The following CCDC81 variants were observed in gnomAD, a reference collection of about 807,000 sequenced individuals.
The protein encoded by CCDC81 is coiled-coil domain-containing protein 81.
In CCDC81, 79 loss-of-function variants were observed where a neutral mutation model predicts 83.7. That is an observed-to-expected ratio of 0.94 (90% CI 0.79 to 1.14). The LOEUF is 1.14. CCDC81 is among the 50% of genes most tolerant of loss of function. The probability of loss-of-function intolerance (pLI) is 0.00; values close to 1 mark genes in which losing one functional copy is unlikely to be tolerated. For synonymous variants in CCDC81, 252 were observed against 278.1 expected (o/e 0.91, Z 0.93); for missense variants, 791 against 778.1 (o/e 1.02, Z -0.20).
chr11:86,411,800 G>T (rs1038148683), intron 10 of CCDC81, among the ~76,000 whole-genome samples: 2 of 152,150 alleles, frequency 1.3e-5, no homozygotes, highest in African/African-American at 4.8e-5. Flanking sequence ...AATAAACATA[G>T]AAATTGACCC....
In CCDC81 at chr11:86,400,504, C is replaced by T. The variant is rs1268772582; in HGVS notation, c.758-174C>T. On this transcript the variant is annotated intron_variant, in intron 6 of 14. Coordinates refer to ENST00000445632, the MANE Select transcript of CCDC81 (RefSeq NM_001156474.2). ...TGTCCTCTAAATGCTTAGCACAGTGCTTTCTTTGCGAATATACAGCAAAAA... is the reference window on the plus strand; with the variant it reads ...TGTCCTCTAAATGCTTAGCACAGTGTTTTCTTTGCGAATATACAGCAAAAA... 2.0e-5 allele frequency among the ~76,000 whole-genome samples: 3 copies of T among 152,202 alleles called. No homozygotes were observed. In the East Asian group the frequency reaches 5.8e-4, roughly 29 times the overall value.
Position 86,375,448 on chromosome 11 carries a change from G to A in CCDC81, c.79+206G>A, listed in dbSNP as rs145332172. Among the ~76,000 whole-genome samples, 617 of 152,240 alleles carry A rather than the reference G, an allele frequency of 4.1e-3. 4 individuals carry two copies. Among genetic ancestry groups the A allele is most frequent in the African/African-American group, 0.014 (576 of 41,536 alleles). Reference sequence around the variant, plus strand: ...TGGTTTTGATTAAACCAGGGGATGCGTAGACAGCACAAAGTAAGTGCTCAA... The same window carrying A: ...TGGTTTTGATTAAACCAGGGGATGCATAGACAGCACAAAGTAAGTGCTCAA... On this transcript the variant is annotated intron_variant, in intron 1 of 14. Transcript: ENST00000445632.
intron 4 of CCDC81, among the ~76,000 whole-genome samples, chr11:86,394,211 T>C (rs1697718617): frequency 6.6e-6 from 1 of 152,218 alleles, no homozygotes; most frequent in Admixed American, 6.5e-5. Context: ...GTAGCTTCAA[T>C]ACGTGTTTAA....
intron 10 of CCDC81, among the ~76,000 whole-genome samples, chr11:86,412,071 C>T (rs1195111620): frequency 1.3e-5 from 2 of 152,312 alleles, no homozygotes; most frequent in Non-Finnish European, 2.9e-5. Flanking sequence ...TGAGACTGAT[C>T]TCTCATCTCC....
intron 1 of CCDC81, among the ~76,000 whole-genome samples, chr11:86,381,059 G>C (rs1186477988): frequency 6.6e-6 from 1 of 152,174 alleles, no homozygotes; most frequent in African/African-American, 2.4e-5. Flanking sequence ...TAGTAATGTA[G>C]GGGTAGAGTG....
At chr11:86,387,719 G>C (rs778122566) in intron 3 of CCDC81, 47 bp downstream of exon 3, 1 of 1,381,184 alleles carries the variant, frequency 7.2e-7, no homozygotes, top group South Asian at 1.3e-5. Flanking sequence ...TTACTGTCCT[G>C]GGGATAAAAA....
intron 1 of CCDC81, 92 bp downstream of exon 1, chr11:86,375,334 G>T: frequency 8.7e-7 from 1 of 1,152,772 alleles, no homozygotes; most frequent in Non-Finnish European, 1.3e-6. Context: ...CAATTCCCTG[G>T]CTCAGGCCTG....
rs566389058 is a variant in CCDC81 at position 86,406,298 on chromosome 11, C to T, written c.882-1316C>T. On this transcript the variant is annotated intron_variant, in intron 7 of 14. Transcript: ENST00000445632. ...GTCCTGATGCAACGTCCGAATCAAT[C>T]TGGTTGTCATTCTTTCTTGTAGCTT... 7.9e-5 allele frequency among the ~76,000 whole-genome samples: 12 copies of T among 152,276 alleles called. No individual in the cohort carries two copies. The South Asian group carries it at 1.9e-3, about 24-fold the overall frequency.
intron 2 of CCDC81, 27 bp from the exon 3 acceptor site, chr11:86,387,489 C>T (rs773439035): frequency 1.2e-6 from 2 of 1,608,290 alleles, no homozygotes. Context: ...TCAATGAATT[C>T]TGTTTTGTTT....
chr11:86,409,312 C>G lies in CCDC81; in HGVS notation c.1165C>G (p.Leu389Val). 6.5e-7 allele frequency: 1 copy of G among 1,542,886 alleles called. No individual in the cohort carries two copies. Among genetic ancestry groups the G allele is most frequent in the Non-Finnish European group, 8.7e-7 (1 of 1,148,088 alleles). ...GAATCAGAAAAATGCTGCCTATAAT[C>G]TTGGAGTTGCTGAAGCTATAAGAAA... ...EQNQKNAAYN[L>V]GVAEAIRNHK... The change falls in exon 10 of 15, where the codon CTT becomes GTT. Residue 389 changes from leucine to valine, a missense_variant. Coordinates refer to ENST00000445632, the MANE Select transcript of CCDC81 (RefSeq NM_001156474.2).
In CCDC81 at chr11:86,387,553, T is replaced by A; in HGVS notation, c.179T>A (p.Ile60Lys). 1.2e-6 allele frequency: 2 copies of A among 1,614,082 alleles called. No homozygotes were observed. Among genetic ancestry groups the A allele is most frequent in the Admixed American group, 3.3e-5 (2 of 60,022 alleles). The change falls in exon 3 of 15, where the codon ATA (isoleucine) becomes AAA (lysine). Residue 60 changes from isoleucine to lysine, a missense_variant. Coordinates refer to ENST00000445632, the MANE Select transcript of CCDC81 (RefSeq NM_001156474.2). ...QIPAFGTFTF[I>K]RQKLEVGNNK... ...CCAGCATTTGGAACTTTCACTTTCA[T>A]AAGACAAAAGCTTGAGGTGGGAAAC...
At chr11:86,404,112 A>G (rs1948532099) in intron 7 of CCDC81, among the ~76,000 whole-genome samples, 1 of 152,206 alleles carries the variant, frequency 6.6e-6, no homozygotes, top group Non-Finnish European at 1.5e-5. Context: ...ATAAGAAACC[A>G]GATTGAGACA....
Position 86,409,335 on chromosome 11 carries a change from A to C in CCDC81, c.1188A>C (p.Arg396Ser). Residue 396 changes from arginine to serine, a missense_variant, in exon 10 of 15, where the codon AGA (arginine) becomes AGC (serine). Transcript: ENST00000445632. ...ATCTTGGAGTTGCTGAAGCTATAAGAAACCACAAGAATGAGAAACCGGAAT... is the reference window on the plus strand; with the variant it reads ...ATCTTGGAGTTGCTGAAGCTATAAGCAACCACAAGAATGAGAAACCGGAAT... ...AYNLGVAEAI[R>S]NHKNEKPEFY... 1 of 1,536,764 alleles carries C rather than the reference A, an allele frequency of 6.5e-7. No individual in the cohort carries two copies. The highest frequency in any genetic ancestry group is 1.4e-5 in the African/African-American group (1 of 70,968).
intron 3 of CCDC81, among the ~76,000 whole-genome samples, chr11:86,390,295 G>T (rs1002785244): frequency 5.3e-5 from 8 of 152,092 alleles, no homozygotes; most frequent in African/African-American, 1.9e-4. Flanking sequence ...GATATTTCAG[G>T]AACAATATGA....
chr11:86,405,101 AT>A (rs990085965), intron 7 of CCDC81, among the ~76,000 whole-genome samples: 1 of 151,996 alleles, frequency 6.6e-6, no homozygotes. Flanking sequence ...AATCCTCACT[AT>A]TTTTTTCTTT....
rs571368432 is a variant in CCDC81 at position 86,420,568 on chromosome 11, T to A, written c.1817+515T>A. On this transcript the variant is annotated intron_variant, in intron 14 of 14. Transcript: ENST00000445632. Reference sequence around the variant, plus strand: ...TGTTGTATTACATCTTGAAAAAAAATTAAAATACGAATGTAAGGTATGATT... The same window carrying A: ...TGTTGTATTACATCTTGAAAAAAAAATAAAATACGAATGTAAGGTATGATT... Among the ~76,000 whole-genome samples the A allele has an allele frequency of 2.4e-3, 364 of 152,228 alleles. 2 individuals are homozygous for A. The highest frequency in any genetic ancestry group is 8.6e-3 in the African/African-American group (357 of 41,538).
chr11:86,422,712 G>A lies in CCDC81; in HGVS notation c.1956G>A (p.Val652=). ...NKFLPGSRLL[V] ...TCCTGCCTGGCTCCCGGTTGCTTGT[G>A]TAAAACTCAAAGTTTGGCTCTTCGT... is the stretch of plus-strand genomic sequence containing the variant. The change falls in exon 15 of 15, where the codon GTG becomes GTA. Residue 652 remains valine, a synonymous_variant. Transcript: ENST00000445632. The A allele has an allele frequency of 6.2e-7, 1 of 1,612,178 alleles. No homozygotes were observed. Among genetic ancestry groups the A allele is most frequent in the Admixed American group, 1.7e-5 (1 of 59,906 alleles).
intron 7 of CCDC81, 131 bp downstream of exon 7, chr11:86,400,932 A>G (rs745648933): frequency 2.7e-5 from 25 of 925,598 alleles, no homozygotes; most frequent in Non-Finnish European, 3.9e-5. Flanking sequence ...TATATGCAAC[A>G]TGATGGGAAT....
rs292109 is a variant in CCDC81 at position 86,387,638 on chromosome 11, T to C, written c.264T>C (p.Ile88=). 0.58 allele frequency: 928,456 copies of C among 1,605,774 alleles called. 272,570 individuals carry two copies. Among genetic ancestry groups the C allele is most frequent in the East Asian group, 0.74 (33,159 of 44,832 alleles). ...VFIMVEKLVQ[I]HGLKQNKVYT... is the part of the protein sequence containing the mutation. ...TCATGGTGGAGAAGCTAGTGCAGAT[T>C]CATGGACTCAAACAAAACAAAGTAT... Residue 88 remains isoleucine, a synonymous_variant, in exon 3 of 15, where the codon ATT becomes ATC. Coordinates refer to ENST00000445632, the MANE Select transcript of CCDC81 (RefSeq NM_001156474.2).
Sources: gnomAD v4.1 joint callset for allele counts (sites outside exome capture counted in the v4.1 genomes callset) on GRCh38, gnomAD v4.1.1 for gene constraint, MANE v1.5 for transcripts, NCBI Gene and HGNC (gene_info 2026-07-23, HGNC 2026-07-21) for gene names.